The following TMEM132D variants were observed in gnomAD, a reference collection of about 807,000 sequenced individuals.
TMEM132D encodes transmembrane protein 132D.
In TMEM132D, 21 loss-of-function variants were observed where a neutral mutation model predicts 62.3. That is an observed-to-expected ratio of 0.34 (90% CI 0.24 to 0.49). TMEM132D has a LOEUF of 0.49. Among genes scored for constraint, TMEM132D ranks in the 20% least tolerant of loss-of-function variants. The pLI, the probability that TMEM132D is intolerant of heterozygous loss-of-function variation, is 0.99. For synonymous variants in TMEM132D, 621 were observed against 575.6 expected (o/e 1.08, Z -1.13); for missense variants, 1,346 against 1,402.8 (o/e 0.96, Z 0.65).
intron 2 of TMEM132D, among the ~76,000 whole-genome samples, chr12:129,570,932 C>A (rs562120199): frequency 2.0e-5 from 3 of 152,216 alleles, no homozygotes; most frequent in South Asian, 2.1e-4. Flanking sequence ...GCTGGGAGAT[C>A]ATGTTCCCCC....
chr12:129,210,539 C>T (rs1381969906), intron 4 of TMEM132D, among the ~76,000 whole-genome samples: 1 of 152,144 alleles, frequency 6.6e-6, no homozygotes, highest in Non-Finnish European at 1.5e-5. Context: ...AGGGATGTCC[C>T]GGCTTGCCCC....
At chr12:129,104,337 A>G (rs1198037512) in intron 5 of TMEM132D, among the ~76,000 whole-genome samples, 1 of 151,892 alleles carries the variant, frequency 6.6e-6, no homozygotes, top group Non-Finnish European at 1.5e-5. Context: ...CTGGCTAGCC[A>G]TATGTAGAAA....
At chr12:129,120,385 G>A (rs1876021606) in intron 5 of TMEM132D, among the ~76,000 whole-genome samples, 2 of 152,134 alleles carry the variant, frequency 1.3e-5, no homozygotes, top group Admixed American at 6.5e-5. Context: ...AGTCATATTG[G>A]TGCCACATCT....
chr12:129,522,749 A>G (rs1339469145), intron 3 of TMEM132D: 1 of 51,062 alleles, frequency 2.0e-5, no homozygotes, highest in Non-Finnish European at 3.6e-5. Flanking sequence ...ATGATCCTTA[A>G]CAAATAAAAA....
chr12:129,877,651 A>AGC (rs1874471095), intron 1 of TMEM132D, among the ~76,000 whole-genome samples: 3 of 147,760 alleles, frequency 2.0e-5, no homozygotes, highest in African/African-American at 7.3e-5. Flanking sequence ...AGAGAGAGAG[A>AGC]GAGCGCTATA....
chr12:129,277,895 C>T lies in TMEM132D; in HGVS notation c.1299+59739G>A, dbSNP rs1260734912. 1.3e-5 allele frequency among the ~76,000 whole-genome samples: 2 copies of T among 152,116 alleles called. No homozygotes were observed. The highest frequency in any genetic ancestry group is 2.9e-5 in the Non-Finnish European group (2 of 68,036). ...TCTCACGGCGTCTTTTAAAACTCCA[C>T]TCTCTATACAGAGAGCAGCAAATGT... On this transcript the variant is annotated intron_variant, in intron 4 of 8. Coordinates refer to ENST00000422113, the MANE Select transcript of TMEM132D (RefSeq NM_133448.3). This position sits in a 1 kb window ranked among gnomAD's most constrained non-coding sequence, Gnocchi z 4.2.
At chr12:129,717,956 C>T (rs264475) in intron 1 of TMEM132D, among the ~76,000 whole-genome samples, 40,164 of 152,028 alleles carry the variant, frequency 0.26, 5,861 homozygotes, top group Middle Eastern at 0.37. Flanking sequence ...ACTGCACTGG[C>T]CTGGATACAA....
At chr12:129,379,204 T>A (rs1319629442) in intron 3 of TMEM132D, among the ~76,000 whole-genome samples, 1 of 152,132 alleles carries the variant, frequency 6.6e-6, no homozygotes, top group Non-Finnish European at 1.5e-5. Context: ...GATAAACACA[T>A]GCACACACAC....
intron 1 of TMEM132D, among the ~76,000 whole-genome samples, chr12:129,722,075 G>A (rs1166536669): frequency 6.6e-6 from 1 of 152,184 alleles, no homozygotes; most frequent in African/African-American, 2.4e-5. Context: ...GTTGGAGGTG[G>A]AGTGCCCAAG....
intron 5 of TMEM132D, among the ~76,000 whole-genome samples, chr12:129,120,493 T>C (rs1225520198): frequency 6.6e-6 from 1 of 152,178 alleles, no homozygotes; most frequent in Non-Finnish European, 1.5e-5. Flanking sequence ...TTCCAAAATC[T>C]ACCTGGCCAT....
chr12:129,133,098 C>T (rs11060155), intron 5 of TMEM132D, among the ~76,000 whole-genome samples: 45,905 of 152,026 alleles, frequency 0.3, 8,222 homozygotes, highest in Non-Finnish European at 0.4. Context: ...GTGCTGCAGT[C>T]GGGGGTTCCT....
chr12:129,166,644 C>A (rs563128505), intron 5 of TMEM132D, among the ~76,000 whole-genome samples: 1 of 151,050 alleles, frequency 6.6e-6, no homozygotes, highest in Non-Finnish European at 1.5e-5. Context: ...ATTACATAAA[C>A]CGCCAGGCCA....
chr12:129,700,167 C>T lies in TMEM132D; in HGVS notation c.611G>A (p.Ser204Asn), dbSNP rs1467173812. ...AELELLSSWF[S>N]PPTVVAGRRK... ...CCTCCCGGCAACCACCGTGGGGGGG[C>T]TGAACCAGCTGGACAGGAGCTCCAG... The change falls in exon 2 of 9, where the codon AGC becomes AAC. Residue 204 changes from serine to asparagine, a missense_variant. Ser to Asn is a conservative substitution (Grantham distance 46, BLOSUM62 1). Coordinates refer to ENST00000422113, the MANE Select transcript of TMEM132D (RefSeq NM_133448.3). 6.2e-7 allele frequency: 1 copy of T among 1,612,994 alleles called. No individual in the cohort carries two copies. The highest frequency in any genetic ancestry group is 8.5e-7 in the Non-Finnish European group (1 of 1,180,006).
At chr12:129,574,814 G>A (rs1041583263) in intron 2 of TMEM132D, among the ~76,000 whole-genome samples, 4 of 151,760 alleles carry the variant, frequency 2.6e-5, no homozygotes, top group African/African-American at 9.7e-5. Context: ...GATATCAAAT[G>A]ACAGGTGATG....
chr12:129,579,896 G>A (rs1284766502), intron 2 of TMEM132D, among the ~76,000 whole-genome samples: 1 of 152,170 alleles, frequency 6.6e-6, no homozygotes, highest in Non-Finnish European at 1.5e-5. Flanking sequence ...TTCTGCCAAA[G>A]GGAAAGCCTA....
chr12:129,532,010 C>T (rs547597721), intron 2 of TMEM132D, among the ~76,000 whole-genome samples: 81 of 152,050 alleles, frequency 5.3e-4, no homozygotes, highest in Non-Finnish European at 1.0e-3. Context: ...GAGCTGAGAT[C>T]GACCCACAGC....
At chr12:129,519,354 C>T (rs377370654) in intron 3 of TMEM132D, among the ~76,000 whole-genome samples, 2 of 152,252 alleles carry the variant, frequency 1.3e-5, no homozygotes, top group South Asian at 4.1e-4. Flanking sequence ...GTACCCTGCC[C>T]TGAACACTTA....
intron 5 of TMEM132D, among the ~76,000 whole-genome samples, chr12:129,209,240 C>T (rs1431362273): frequency 6.6e-6 from 1 of 152,184 alleles, no homozygotes; most frequent in Non-Finnish European, 1.5e-5. Flanking sequence ...CGACAATCTC[C>T]CTGGGGATCT....
intron 6 of TMEM132D, among the ~76,000 whole-genome samples, chr12:129,083,431 G>T (rs989678759): frequency 3.9e-5 from 6 of 152,126 alleles, no homozygotes; most frequent in African/African-American, 1.4e-4. Context: ...AGGTCTTTGG[G>T]GAATCTTCCC....
Sources: gnomAD v4.1 joint callset for allele counts (sites outside exome capture counted in the v4.1 genomes callset) on GRCh38, gnomAD v4.1.1 for gene constraint, Gnocchi (gnomAD v3.1) non-coding constraint, MANE v1.5 for transcripts, NCBI Gene and HGNC (gene_info 2026-07-23, HGNC 2026-07-21) for gene names.